SLCO4A1: variants seen among roughly 807,000 people sequenced by gnomAD.
The protein encoded by SLCO4A1 is colon organic anion transporter.
SLCO4A1 carries 51 observed loss-of-function variants against 64.6 expected under a neutral mutation model. The observed-to-expected ratio is 0.79, with a 90% confidence interval of 0.63 to 1.00. The LOEUF is 1.00. Ranked by LOEUF, SLCO4A1 falls within the 50% of genes least tolerant of loss-of-function variation. SLCO4A1 has a pLI of 0.00. For synonymous variants in SLCO4A1, 471 were observed against 444.9 expected (o/e 1.06, Z -0.74); for missense variants, 919 against 980.5 (o/e 0.94, Z 0.84).
chr20:62,666,342 C>A, intron 6 of SLCO4A1, 38 bp from the exon 7 acceptor site: 1 of 1,594,124 alleles, frequency 6.3e-7, no homozygotes, highest in Non-Finnish European at 8.6e-7. Flanking sequence ...CCACGGCCCC[C>A]TGCCTGAGTC....
intron 2 of SLCO4A1, among the ~76,000 whole-genome samples, chr20:62,684,757 G>A (rs1244544071): frequency 1.3e-5 from 2 of 152,034 alleles, no homozygotes; most frequent in African/African-American, 4.8e-5. Context: ...AGGGCGATCA[G>A]GGGTCCCCAT....
chr20:62,660,461 G>T lies in SLCO4A1; in HGVS notation c.937G>T (p.Gly313Cys). 1 of 1,602,128 alleles carries T rather than the reference G, an allele frequency of 6.2e-7. No homozygotes were observed. The highest frequency in any genetic ancestry group is 8.5e-7 in the Non-Finnish European group (1 of 1,179,908). ...ACTGTGGGTCGGCGCCTGGTGGGTC[G>T]GCTTCCTGGGCTCTGGGGCCGCTGC... ...SPLWVGAWWV[G>C]FLGSGAAAFF... The change falls in exon 4 of 12, where the codon GGC becomes TGC. Residue 313 changes from glycine to cysteine, a missense_variant. Gly to Cys is a radical substitution (Grantham distance 159, BLOSUM62 -3). Transcript: ENST00000217159.
intron 2 of SLCO4A1, among the ~76,000 whole-genome samples, chr20:62,677,311 ATT>A (rs1186000611): frequency 6.6e-6 from 1 of 152,246 alleles, no homozygotes; most frequent in African/African-American, 2.4e-5. Flanking sequence ...CAGTAAAGCT[ATT>A]ATTAAATACA....
chr20:62,670,034 G>A (rs1476179941), intron 11 of SLCO4A1: 3 of 152,178 alleles, frequency 2.0e-5, no homozygotes, highest in Non-Finnish European at 4.4e-5. Context: ...TTTAAAGCAC[G>A]CGCCGTTCTG....
At chr20:62,653,291 C>T (rs556883417) in intron 1 of SLCO4A1, among the ~76,000 whole-genome samples, 2 of 152,138 alleles carry the variant, frequency 1.3e-5, no homozygotes, top group South Asian at 4.1e-4. Context: ...TCCTGAGATC[C>T]CTGTGGCCTT....
In SLCO4A1 at chr20:62,685,256, G is replaced by T. The variant is rs1273363655; in HGVS notation, n.212-185G>T. 2.7e-5 allele frequency among the ~76,000 whole-genome samples: 4 copies of T among 147,716 alleles called. No individual in the cohort carries two copies. The highest frequency in any genetic ancestry group is 2.2e-4 in the South Asian group (1 of 4,602). ...GGGGTGTGGGGGCAGGAGGAGGGGG[G>T]TGGTGGGGAGTGGGGGCTGGGTCGG... On this transcript the variant is annotated intron_variant and non_coding_transcript_variant, in intron 2 of 2. Coordinates refer to the SLCO4A1 transcript ENST00000466818. This position sits in a 1 kb window ranked among gnomAD's most constrained non-coding sequence, Gnocchi z 4.6.
rs769818527 is a variant in SLCO4A1 at position 62,667,732 on chromosome 20, C to T, written c.1473-13C>T. 4.3e-5 allele frequency: 69 copies of T among 1,601,964 alleles called. 2 individuals carry two copies. In the South Asian group the frequency reaches 6.3e-4, roughly 15 times the overall value. On this transcript the variant is annotated splice_polypyrimidine_tract_variant and intron_variant, in intron 7 of 11. Transcript: ENST00000217159. ...GGCCTGGACCCTACCACTCGCTTGT[C>T]CCCCCTCTGCAGCCTCCTGCCCGAA...
intron 11 of SLCO4A1, among the ~76,000 whole-genome samples, chr20:62,671,184 C>T (rs1987159447): frequency 6.6e-6 from 1 of 152,232 alleles, no homozygotes; most frequent in African/African-American, 2.4e-5. Context: ...CGGCGACTGG[C>T]TCTGTGTGAG....
intron 1 of SLCO4A1, 79 bp from the exon 2 acceptor site, chr20:62,656,280 G>T (rs1004707231): frequency 1.7e-6 from 1 of 596,448 alleles, no homozygotes; most frequent in East Asian, 2.9e-5. Context: ...CCCGTGATGG[G>T]TGTGCTGGAA....
chr20:62,677,622 T>G (rs770379782), intron 2 of SLCO4A1, among the ~76,000 whole-genome samples: 19 of 152,250 alleles, frequency 1.2e-4, no homozygotes, highest in Non-Finnish European at 1.5e-4. Context: ...CCAACCCCAC[T>G]GAGGCAGATA....
chr20:62,670,401 A>G (rs1438455517), intron 11 of SLCO4A1, among the ~76,000 whole-genome samples: 3 of 152,106 alleles, frequency 2.0e-5, no homozygotes, highest in Non-Finnish European at 4.4e-5. Flanking sequence ...ATCCCCCATC[A>G]CCATATCACA....
At chr20:62,656,167 G>A (rs767702598) in intron 1 of SLCO4A1, among the ~76,000 whole-genome samples, 192 bp from the exon 2 acceptor site, 2 of 152,368 alleles carry the variant, frequency 1.3e-5, no homozygotes, top group South Asian at 2.1e-4. Flanking sequence ...TTTCCGCAGC[G>A]GAGCTGTGGC....
At chr20:62,678,882 G>A (rs1196620380) in intron 2 of SLCO4A1, among the ~76,000 whole-genome samples, 3 of 152,168 alleles carry the variant, frequency 2.0e-5, no homozygotes, top group Non-Finnish European at 4.4e-5. Flanking sequence ...GAGGAGACAA[G>A]CCGTTGCCAG....
chr20:62,672,248 C>G lies in SLCO4A1; in HGVS notation c.*355C>G. 8.2e-7 allele frequency: 1 copy of G among 1,221,126 alleles called. No homozygotes were observed. Among genetic ancestry groups the G allele is most frequent in the Non-Finnish European group, 1.0e-6 (1 of 968,950 alleles). The allele number at this position is 1,221,126 out of a possible 1,614,324, so 75.6% of individuals were successfully genotyped here. A position where few individuals can be genotyped will look rare whatever the true frequency, so the allele number is the denominator to read the frequency against. On this transcript the variant is annotated 3_prime_UTR_variant, in exon 12 of 12. Coordinates refer to ENST00000217159, the MANE Select transcript of SLCO4A1 (RefSeq NM_016354.4). ...AGCCTGAGGAAGGCTTGTGTGTCCTCAGTTAAAACTGTGCATATCGAAATA... is the reference window on the plus strand; with the variant it reads ...AGCCTGAGGAAGGCTTGTGTGTCCTGAGTTAAAACTGTGCATATCGAAATA...
chr20:62,671,715 T>C, intron 11 of SLCO4A1, 35 bp from the exon 12 acceptor site: 1 of 1,599,210 alleles, frequency 6.3e-7, no homozygotes, highest in Non-Finnish European at 8.5e-7. Context: ...CTGGCCGAGC[T>C]CCCCACGAGG....
chr20:62,673,589 A>T (rs1244076921), downstream of SLCO4A1, among the ~76,000 whole-genome samples: 3 of 142,916 alleles, frequency 2.1e-5, 1 homozygote, highest in Non-Finnish European at 4.7e-5. Context: ...TGACCAGGTT[A>T]TAAGAGACCA....
intron 11 of SLCO4A1, chr20:62,670,318 A>G (rs940773920): frequency 2.0e-5 from 3 of 152,246 alleles, no homozygotes; most frequent in Non-Finnish European, 4.4e-5. Context: ...CATAAGACAT[A>G]ACCTTTGTCC....
At chr20:62,675,144 G>A (rs1453697654), downstream of SLCO4A1, among the ~76,000 whole-genome samples, 1 of 152,202 alleles carries the variant, frequency 6.6e-6, no homozygotes, top group African/African-American at 2.4e-5. Flanking sequence ...GTTCGCACAG[G>A]GCACACAGTG....
chr20:62,661,416 G>A lies in SLCO4A1; in HGVS notation c.1121+241G>A, dbSNP rs1033417622. 1.3e-5 allele frequency among the ~76,000 whole-genome samples: 2 copies of A among 152,018 alleles called. No individual in the cohort carries two copies. Among genetic ancestry groups the A allele is most frequent in the Admixed American group, 6.5e-5 (1 of 15,274 alleles). ...CAGAGTGGGGCCGGGGCCTCGGCCC[G>A]CACCCAGGGAGCCATCACTTCACTC... is the stretch of plus-strand genomic sequence containing the variant. On this transcript the variant is annotated intron_variant, in intron 5 of 11. Transcript: ENST00000217159. This position sits in a 1 kb window ranked among gnomAD's most constrained non-coding sequence, Gnocchi z 5.2.
Sources: gnomAD v4.1 joint callset for allele counts (sites outside exome capture counted in the v4.1 genomes callset) on GRCh38, gnomAD v4.1.1 for gene constraint, Gnocchi (gnomAD v3.1) non-coding constraint, MANE v1.5 for transcripts, NCBI Gene and HGNC (gene_info 2026-07-23, HGNC 2026-07-21) for gene names.